Variants in CNGA1 observed in about 807,000 individuals in gnomAD.
CNGA1 encodes cyclic nucleotide gated channel subunit alpha 1.
Under a neutral mutation model 69.7 loss-of-function variants are expected in CNGA1, and 53 were observed. That is an observed-to-expected ratio of 0.76 (90% confidence interval 0.61 to 0.96). CNGA1 has a LOEUF of 0.96. Ranked by LOEUF, CNGA1 falls within the 40% of genes least tolerant of loss-of-function variation. The probability of loss-of-function intolerance (pLI) is 0.00; values close to 1 mark genes in which losing one functional copy is unlikely to be tolerated. For synonymous variants in CNGA1, 249 were observed against 283.5 expected, an observed-to-expected ratio of 0.88 and a Z score of 1.22; for missense variants, 739 against 811.2, an observed-to-expected ratio of 0.91 and a Z score of 1.08.
intron 1 of CNGA1, chr4:48,012,958 A>AC: frequency 6.6e-6 from 1 of 152,220 alleles, no homozygotes; most frequent in African/African-American, 2.4e-5. Context: ...AACAAAACAA[A>AC]AAAAAAAACA....
At chr4:48,015,780 T>C (rs1715351310) in intron 1 of CNGA1, among the ~76,000 whole-genome samples, 1 of 152,126 alleles carries the variant, frequency 6.6e-6, no homozygotes, top group Admixed American at 6.6e-5. Flanking sequence ...CTAATTTTTG[T>C]AGAGACAGGG....
intron 3 of CNGA1, among the ~76,000 whole-genome samples, chr4:47,977,137 A>G (rs1560301810): frequency 1.3e-5 from 2 of 152,210 alleles, no homozygotes; most frequent in African/African-American, 4.8e-5. Context: ...AAATCCATAT[A>G]TTGAAGCTCT....
At chr4:47,940,947 C>A in intron 9 of CNGA1, 78 bp from the exon 10 acceptor site, 1 of 955,734 alleles carries the variant, frequency 1.0e-6, no homozygotes, top group South Asian at 1.4e-5. Flanking sequence ...TGTATATTTT[C>A]TTTATCATGA....
At chr4:47,960,056 A>T (rs1170777160) in intron 3 of CNGA1, among the ~76,000 whole-genome samples, 5 of 152,194 alleles carry the variant, frequency 3.3e-5, no homozygotes, top group African/African-American at 4.8e-5. Flanking sequence ...AATTTATGAA[A>T]TTTTATGCAA....
At chr4:47,966,139 TA>T (rs2110187887) in intron 3 of CNGA1, among the ~76,000 whole-genome samples, 2 of 152,288 alleles carry the variant, frequency 1.3e-5, no homozygotes, top group Admixed American at 1.3e-4. Flanking sequence ...ATCTTATGGG[TA>T]ATTCAGGCAA....
chr4:47,987,263 C>A (rs1742017951), intron 2 of CNGA1, among the ~76,000 whole-genome samples: 2 of 152,026 alleles, frequency 1.3e-5, no homozygotes, highest in African/African-American at 2.4e-5. Flanking sequence ...TATTTTTATT[C>A]AAAAATTATA....
At chr4:48,011,414 C>CACACGCACACAT (rs759059405) in intron 1 of CNGA1, among the ~76,000 whole-genome samples, 5 of 101,092 alleles carry the variant, frequency 4.9e-5, no homozygotes, top group African/African-American at 1.6e-4. Flanking sequence ...TGCACACATA[C>CACACGCACACAT]ACACACACAC....
At chr4:47,972,643 A>C (rs1578099937) in intron 3 of CNGA1, among the ~76,000 whole-genome samples, 1 of 152,212 alleles carries the variant, frequency 6.6e-6, no homozygotes. Flanking sequence ...GTGTTTATTA[A>C]TCATTTGGAT....
chr4:47,997,215 T>C (rs1714395506), intron 2 of CNGA1, among the ~76,000 whole-genome samples: 1 of 152,198 alleles, frequency 6.6e-6, no homozygotes, highest in Non-Finnish European at 1.5e-5. Context: ...TTCTCAGACA[T>C]GACAAATTAT....
chr4:47,940,717 G>C (rs1371614468), intron 10 of CNGA1, 46 bp downstream of exon 10: 1 of 1,221,406 alleles, frequency 8.2e-7, no homozygotes, highest in Non-Finnish European at 1.2e-6. Context: ...CAATGCTAGA[G>C]ATAAAAGCAT....
intron 2 of CNGA1, among the ~76,000 whole-genome samples, chr4:48,005,961 C>A (rs1714898940): frequency 6.6e-6 from 1 of 152,152 alleles, no homozygotes. Flanking sequence ...AAATATGCTC[C>A]AAATTTTATT....
At chr4:47,969,479 T>C (rs921683378) in intron 3 of CNGA1, among the ~76,000 whole-genome samples, 1 of 152,176 alleles carries the variant, frequency 6.6e-6, no homozygotes, top group Non-Finnish European at 1.5e-5. Context: ...TTCGTTTTTT[T>C]GTTTTTTTTA....
intron 2 of CNGA1, among the ~76,000 whole-genome samples, chr4:47,987,887 G>C (rs1312741798): frequency 6.6e-6 from 1 of 152,148 alleles, no homozygotes; most frequent in Non-Finnish European, 1.5e-5. Flanking sequence ...TGCAAAGACA[G>C]AACTGTGTTG....
intron 2 of CNGA1, among the ~76,000 whole-genome samples, chr4:47,996,705 A>G (rs2110242274): frequency 6.6e-6 from 1 of 152,250 alleles, no homozygotes; most frequent in Non-Finnish European, 1.5e-5. Flanking sequence ...AGAAATCCAG[A>G]GTAAGGAAAA....
At chr4:48,010,135 A>C (rs1560316979) in intron 2 of CNGA1, among the ~76,000 whole-genome samples, 2 of 152,230 alleles carry the variant, frequency 1.3e-5, no homozygotes, top group Non-Finnish European at 2.9e-5. Flanking sequence ...CAAATAGCAA[A>C]ATTTACATCA....
At chr4:47,987,034 G>A (rs1297890398) in intron 2 of CNGA1, among the ~76,000 whole-genome samples, 1 of 152,120 alleles carries the variant, frequency 6.6e-6, no homozygotes, top group Non-Finnish European at 1.5e-5. Flanking sequence ...CCCCTCCAAA[G>A]CATGATTAGC....
intron 10 of CNGA1, 46 bp from the exon 11 acceptor site, chr4:47,937,875 C>T (rs779768651): frequency 6.8e-7 from 1 of 1,471,582 alleles, no homozygotes; most frequent in Non-Finnish European, 9.5e-7. Context: ...CTTTTTATGT[C>T]ATTGTGAATT....
At chr4:47,982,047 A>G (rs561271602) in intron 2 of CNGA1, among the ~76,000 whole-genome samples, 41 of 152,216 alleles carry the variant, frequency 2.7e-4, no homozygotes, top group Non-Finnish European at 5.7e-4. Context: ...CTTGCCTGAA[A>G]GAAAAATTCA....
chr4:47,984,031 C>T (rs1295816766), intron 2 of CNGA1, among the ~76,000 whole-genome samples: 1 of 152,064 alleles, frequency 6.6e-6, no homozygotes, highest in Non-Finnish European at 1.5e-5. Context: ...TCAAATTTAA[C>T]TGGGTAGTCT....
Sources: gnomAD v4.1 joint callset for allele counts (sites outside exome capture counted in the v4.1 genomes callset) on GRCh38, gnomAD v4.1.1 for gene constraint, MANE v1.5 for transcripts, NCBI Gene and HGNC (gene_info 2026-07-23, HGNC 2026-07-21) for gene names.